Variants in PKD1L1 observed in about 807,000 individuals in gnomAD.
PKD1L1 encodes the protein polycystin-1-like protein 1.
A neutral mutation model predicts 323.4 loss-of-function variants in PKD1L1; 236 were observed. The observed-to-expected ratio is 0.73, with a 90% CI of 0.66 to 0.81. PKD1L1 has a LOEUF of 0.81. Among genes scored for constraint, PKD1L1 ranks in the 40% least tolerant of loss-of-function variants. PKD1L1 has a pLI of 0.00. For missense variants in PKD1L1, 3,320 were observed against 3,508.0 expected (o/e 0.95, Z 1.35); for synonymous variants, 1,344 against 1,335.0 (o/e 1.01, Z -0.15).
intron 21 of PKD1L1, among the ~76,000 whole-genome samples, chr7:47,878,100 C>G (rs933595666): frequency 6.6e-6 from 1 of 152,062 alleles, no homozygotes; most frequent in African/African-American, 2.4e-5. Flanking sequence ...AAAACCTTAG[C>G]CACATACACA....
At chr7:47,937,700 G>T (rs1241217246) in intron 3 of PKD1L1, among the ~76,000 whole-genome samples, 1 of 152,150 alleles carries the variant, frequency 6.6e-6, no homozygotes, top group Non-Finnish European at 1.5e-5. Context: ...AGGCTATGGG[G>T]TGGCCGGGCT....
intron 26 of PKD1L1, among the ~76,000 whole-genome samples, chr7:47,861,046 T>G (rs1786012167): frequency 6.6e-6 from 1 of 151,736 alleles, no homozygotes; most frequent in African/African-American, 2.4e-5. Flanking sequence ...AGCCACAGAG[T>G]GGAGGTATTG....
chr7:47,937,292 A>G (rs1004527488), intron 3 of PKD1L1, among the ~76,000 whole-genome samples: 3 of 146,182 alleles, frequency 2.1e-5, no homozygotes, highest in Non-Finnish European at 4.5e-5. Context: ...TTTTATACAC[A>G]GGGTCAGAGA....
intron 54 of PKD1L1, among the ~76,000 whole-genome samples, chr7:47,799,254 G>A (rs906863107): frequency 2.6e-5 from 4 of 152,116 alleles, no homozygotes; most frequent in East Asian, 3.9e-4. Flanking sequence ...ATGGGTGATC[G>A]ATGGATTTAT....
intron 56 of PKD1L1, among the ~76,000 whole-genome samples, chr7:47,783,160 C>T (rs1208671390): frequency 6.6e-6 from 1 of 152,090 alleles, no homozygotes; most frequent in Non-Finnish European, 1.5e-5. Context: ...GACTCAATGG[C>T]ATTTCTATTT....
chr7:47,775,301 T>G (rs1483011099), intron 56 of PKD1L1, 135 bp from the exon 57 acceptor site: 2 of 874,148 alleles, frequency 2.3e-6, no homozygotes, highest in Non-Finnish European at 1.8e-6. Context: ...AGGTGACATT[T>G]ACAGAACACT....
At chr7:47,902,257 G>A in intron 13 of PKD1L1, 122 bp downstream of exon 13, 1 of 1,363,440 alleles carries the variant, frequency 7.3e-7, no homozygotes, top group Non-Finnish European at 9.8e-7. Flanking sequence ...GTAAATTGCA[G>A]TAGGATAAAC....
At chr7:47,863,235 G>C (rs1392525950) in intron 26 of PKD1L1, among the ~76,000 whole-genome samples, 2 of 152,148 alleles carry the variant, frequency 1.3e-5, no homozygotes, top group Non-Finnish European at 2.9e-5. Context: ...GGAGGAACAC[G>C]GGGTTGGAAG....
intron 45 of PKD1L1, among the ~76,000 whole-genome samples, chr7:47,821,714 A>G (rs148719012): frequency 1.5e-4 from 22 of 145,470 alleles, no homozygotes; most frequent in African/African-American, 4.9e-4. Context: ...TTTTGAGGCA[A>G]TCTAGCTCTG....
At chr7:47,904,164 C>T (rs1036933938) in intron 12 of PKD1L1, among the ~76,000 whole-genome samples, 9 of 152,130 alleles carry the variant, frequency 5.9e-5, no homozygotes, top group Non-Finnish European at 8.8e-5. Context: ...CAGCCACAGC[C>T]CCTGTACTGA....
intron 21 of PKD1L1, among the ~76,000 whole-genome samples, chr7:47,878,518 A>G (rs1295437212): frequency 1.3e-5 from 2 of 152,242 alleles, no homozygotes; most frequent in African/African-American, 4.8e-5. Context: ...CCTGCTAGAC[A>G]CTGTTCCTGT....
chr7:47,864,714 T>A, intron 26 of PKD1L1, among the ~76,000 whole-genome samples: 1 of 125,972 alleles, frequency 7.9e-6, no homozygotes, highest in East Asian at 2.8e-4. Context: ...TCCCTTCCCT[T>A]CCTTTCCTTT....
intron 52 of PKD1L1, among the ~76,000 whole-genome samples, chr7:47,807,813 T>C (rs1018235435): frequency 6.6e-6 from 1 of 152,164 alleles, no homozygotes; most frequent in Non-Finnish European, 1.5e-5. Flanking sequence ...CTTCTCTCTA[T>C]TGAGGGACCT....
rs1247528843 is a variant in PKD1L1, at chr7:47,831,260, C to T, written c.6430G>A (p.Ala2144Thr). The T allele has an allele frequency of 4.3e-6, 7 of 1,613,958 alleles. No individual in the cohort carries two copies. Among genetic ancestry groups the T allele is most frequent in the Middle Eastern group, 1.6e-4 (1 of 6,084 alleles). The change falls in exon 42 of 57, where the codon GCT becomes ACT. Residue 2144 changes from alanine (A) to threonine (T), a missense_variant. Ala to Thr is a moderately conservative substitution (Grantham distance 58). Coordinates refer to ENST00000289672, the MANE Select transcript of PKD1L1 (RefSeq NM_138295.5). The part of the protein sequence containing the change: ...SSAVWAICGT[A>T]SLACSLGTGF... Reference sequence around the variant, plus strand: ...GTCCCCAAACTGCAGGCCAAAGAAGCGGTCCCACAAATGGCCCACACTGCA... The same window carrying T: ...GTCCCCAAACTGCAGGCCAAAGAAGTGGTCCCACAAATGGCCCACACTGCA...
Position 47,907,933 on chromosome 7 carries a change from A to G in PKD1L1, c.1402+144T>C, listed in dbSNP as rs1787240251. 9.1e-6 allele frequency: 7 copies of G among 769,236 alleles called. No individual in the cohort carries two copies. In the South Asian group the frequency reaches 1.4e-4, roughly 15 times the overall value. The allele number at this position is 769,236 out of a possible 1,614,324, so 47.7% of individuals were successfully genotyped here. On this transcript the variant is annotated intron_variant, in intron 9 of 56. Coordinates refer to ENST00000289672, the MANE Select transcript of PKD1L1 (RefSeq NM_138295.5). ...CAGAACACAGTATTCTGCAAGACAT[A>G]TTTTCTGAATTAGGGAAGAATGAAT... is the stretch of plus-strand genomic sequence containing the variant.
Position 47,845,002 on chromosome 7 carries a change from G to A in PKD1L1, c.5230C>T (p.Leu1744=). The A allele has an allele frequency of 6.2e-7, 1 of 1,613,296 alleles. No homozygotes were observed. The highest frequency in any genetic ancestry group is 8.5e-7 in the Non-Finnish European group (1 of 1,179,354). Residue 1744 remains leucine, a synonymous_variant, in exon 33 of 57, where the codon CTA becomes TTA. Coordinates refer to ENST00000289672, the MANE Select transcript of PKD1L1 (RefSeq NM_138295.5). The part of the protein sequence containing the change: ...ASFEVSDISK[L]QSHPENLLPS... ...GTAGGAAATGGAACTTACCTCTGTAGCTTGGAAATGTCACTCACTTCAAAA... is the reference window on the plus strand; with the variant it reads ...GTAGGAAATGGAACTTACCTCTGTAACTTGGAAATGTCACTCACTTCAAAA...
intron 54 of PKD1L1, among the ~76,000 whole-genome samples, chr7:47,797,270 C>T (rs62448552): frequency 0.024 from 3,716 of 152,280 alleles, 84 homozygotes; most frequent in African/African-American, 0.056. Context: ...TTGGCCCCTA[C>T]GCTGTAAACC....
Position 47,876,128 on chromosome 7 carries a change from C to T in PKD1L1, c.3753G>A (p.Leu1251=), listed in dbSNP as rs1258249074. Residue 1251 remains leucine, a synonymous_variant, in exon 23 of 57, where the codon TTG becomes TTA. Transcript: ENST00000289672. ...AATTGTCCAAGTGCTCACCAGCTGG[C>T]AACACAAAATAATACTGGGTGTCTC... ...HGRDTQYYFV[L]PAGEHLDNYK... is the part of the protein sequence containing the mutation. The T allele has an allele frequency of 6.2e-7, 1 of 1,613,898 alleles. No individual in the cohort carries two copies. The highest frequency in any genetic ancestry group is 8.5e-7 in the Non-Finnish European group (1 of 1,179,946).
chr7:47,945,436 T>C (rs1788074864), intron 1 of PKD1L1, among the ~76,000 whole-genome samples: 1 of 152,108 alleles, frequency 6.6e-6, no homozygotes, highest in African/African-American at 2.4e-5. Flanking sequence ...TTGAGGAAAG[T>C]GTGCAGGGAG....
Sources: allele counts gnomAD v4.1 joint callset (sites outside exome capture counted in the v4.1 genomes callset), GRCh38; gene constraint gnomAD v4.1.1; transcripts MANE v1.5; gene names NCBI Gene and HGNC (gene_info 2026-07-23, HGNC 2026-07-21).